The following IL1RAPL1 variants were observed in gnomAD, a reference collection of about 807,000 sequenced individuals.
IL1RAPL1 encodes interleukin 1 receptor accessory protein like 1.
In IL1RAPL1, 3 loss-of-function variants were observed where a neutral mutation model predicts 48.4. The observed-to-expected ratio is 0.06, with a 90% CI of 0.03 to 0.16. The LOEUF is 0.16. IL1RAPL1 is among the 10% of genes least tolerant of loss of function. IL1RAPL1 has a pLI of 1.00. For missense variants in IL1RAPL1, 349 were observed against 530.6 expected (o/e 0.66, Z 3.36); for synonymous variants, 185 against 187.7 (o/e 0.99, Z 0.12).
intron 6 of IL1RAPL1, among the ~76,000 whole-genome samples, chrX:29,754,494 C>A (rs917266779): frequency 5.4e-5 from 6 of 112,094 alleles, no homozygotes; most frequent in Non-Finnish European, 9.4e-5. Context: ...AATTCTTGCA[C>A]ATCTATAATC....
In IL1RAPL1 at chrX:29,313,286, T is replaced by TGC. The variant is rs35752614; in HGVS notation, c.362+30076_362+30077dup. ...GTGTGTGTGTGTGTGTGTGTGTGTG[T>TGC]GCGCGCGCACATGCATTCTCACGCT... On this transcript the variant is annotated intron_variant, in intron 3 of 10. Coordinates refer to ENST00000378993, the MANE Select transcript of IL1RAPL1 (RefSeq NM_014271.4). 3.2e-3 allele frequency among the ~76,000 whole-genome samples: 314 copies of TGC among 96,799 alleles called. 1 individual carries two copies. Among genetic ancestry groups the TGC allele is most frequent in the African/African-American group, 7.4e-3 (207 of 27,821 alleles). The allele number at this position is 96,799 out of a possible 115,157, so 84.1% of individuals were successfully genotyped here.
chrX:28,748,649 T>C (rs1434784100), intron 1 of IL1RAPL1, among the ~76,000 whole-genome samples: 2 of 112,123 alleles, frequency 1.8e-5, no homozygotes, highest in Non-Finnish European at 3.8e-5. Context: ...TAGTATTTTA[T>C]TTATATTTTT....
intron 2 of IL1RAPL1, among the ~76,000 whole-genome samples, chrX:28,992,502 GAAAAAAAAAAAAA>G (rs60650174): frequency 8.1e-5 from 4 of 49,604 alleles, no homozygotes; most frequent in African/African-American, 2.2e-4. Flanking sequence ...AAAAAAAAAA[GAAAAAAAAAAAAA>G]AAGAAGAAAA....
At chrX:28,774,578 G>A (rs920177949) in intron 1 of IL1RAPL1, among the ~76,000 whole-genome samples, 2 of 111,705 alleles carry the variant, frequency 1.8e-5, no homozygotes, top group Admixed American at 1.9e-4. Flanking sequence ...CAAAATGGCA[G>A]CTGGCTTCAT....
intron 6 of IL1RAPL1, among the ~76,000 whole-genome samples, chrX:29,776,746 G>A (rs762882872): frequency 4.5e-5 from 5 of 111,347 alleles, no homozygotes; most frequent in Non-Finnish European, 9.4e-5. Flanking sequence ...TCACAATATT[G>A]GTTGTTGAGA....
chrX:29,871,864 G>T (rs1482853180), intron 6 of IL1RAPL1, among the ~76,000 whole-genome samples: 2 of 110,337 alleles, frequency 1.8e-5, no homozygotes, highest in Admixed American at 9.7e-5. Flanking sequence ...GCTGGGATTA[G>T]AGGTGCCCAC....
At chrX:28,759,323 T>G (rs934932459) in intron 1 of IL1RAPL1, among the ~76,000 whole-genome samples, 2 of 111,147 alleles carry the variant, frequency 1.8e-5, no homozygotes, top group Non-Finnish European at 1.9e-5. Flanking sequence ...AGAGATTCAT[T>G]AGCACCTCAT....
At chrX:29,790,371 T>C (rs1929602514) in intron 6 of IL1RAPL1, among the ~76,000 whole-genome samples, 3 of 111,865 alleles carry the variant, frequency 2.7e-5, no homozygotes, top group Admixed American at 1.9e-4. Context: ...AACTATAAAA[T>C]ATGTGCTTAA....
chrX:29,144,311 T>C (rs1929302170), intron 2 of IL1RAPL1, among the ~76,000 whole-genome samples: 1 of 110,645 alleles, frequency 9.0e-6, no homozygotes, highest in African/African-American at 3.3e-5. Context: ...GGTAGGAAAA[T>C]AAAGATCTTG....
chrX:28,882,633 A>G (rs950341921), intron 2 of IL1RAPL1, among the ~76,000 whole-genome samples: 1 of 111,465 alleles, frequency 9.0e-6, no homozygotes, highest in Admixed American at 9.6e-5. Context: ...ACAAGAGTGA[A>G]ACTCCAGCTG....
At chrX:29,570,941 G>C (rs1266999599) in intron 5 of IL1RAPL1, among the ~76,000 whole-genome samples, 1 of 112,534 alleles carries the variant, frequency 8.9e-6, no homozygotes, top group Non-Finnish European at 1.9e-5. Context: ...AATTTGTCTA[G>C]CCAGGCGCGG....
chrX:29,597,223 G>A (rs1482860064), intron 5 of IL1RAPL1, among the ~76,000 whole-genome samples: 2 of 103,593 alleles, frequency 1.9e-5, no homozygotes, highest in Non-Finnish European at 3.9e-5. Context: ...GCGCGATATC[G>A]GCTCACTGCA....
At chrX:28,655,997 C>T (rs1334313961) in intron 1 of IL1RAPL1, among the ~76,000 whole-genome samples, 1 of 111,654 alleles carries the variant, frequency 9.0e-6, no homozygotes, top group African/African-American at 3.3e-5. Context: ...TATATTACAT[C>T]ATGTAAAAAA....
At chrX:29,614,852 A>G (rs750722848) in intron 5 of IL1RAPL1, among the ~76,000 whole-genome samples, 29 of 111,175 alleles carry the variant, frequency 2.6e-4, no homozygotes, top group Non-Finnish European at 4.5e-4. Flanking sequence ...TCTTTACAAT[A>G]GTGAGGCTGA....
chrX:29,389,771 G>T (rs940797431), intron 3 of IL1RAPL1, among the ~76,000 whole-genome samples: 1 of 112,376 alleles, frequency 8.9e-6, no homozygotes, highest in Non-Finnish European at 1.9e-5. Flanking sequence ...TCAACAAAAT[G>T]TTTAAAAAAG....
chrX:28,862,024 T>C (rs1354963088), intron 2 of IL1RAPL1, among the ~76,000 whole-genome samples: 2 of 111,482 alleles, frequency 1.8e-5, no homozygotes, highest in Non-Finnish European at 1.9e-5. Context: ...GAGAGACTGA[T>C]TTAATTTTTT....
rs150661193 is a variant in IL1RAPL1, at chrX:29,611,164, T to C, written c.704-57266T>C. On this transcript the variant is annotated intron_variant, in intron 5 of 10. Coordinates refer to ENST00000378993, the MANE Select transcript of IL1RAPL1 (RefSeq NM_014271.4). ...CCTTTCCCCCTTTGTTTTCCTTCCT[T>C]TCCTTCCTGATCCAGGAGATAATCA... is the stretch of plus-strand genomic sequence containing the variant. 6.8e-3 allele frequency among the ~76,000 whole-genome samples: 759 copies of C among 111,883 alleles called. 7 individuals carry two copies. Among genetic ancestry groups the C allele is most frequent in the African/African-American group, 0.022 (680 of 30,801 alleles).
chrX:29,503,508 G>T (rs1935296890), intron 5 of IL1RAPL1, among the ~76,000 whole-genome samples: 1 of 111,785 alleles, frequency 8.9e-6, no homozygotes, highest in Non-Finnish European at 1.9e-5. Context: ...TTTGCTAGTA[G>T]TACTGCTTTT....
intron 5 of IL1RAPL1, among the ~76,000 whole-genome samples, chrX:29,513,481 G>A (rs771732939): frequency 8.9e-6 from 1 of 111,972 alleles, no homozygotes; most frequent in East Asian, 2.8e-4. Flanking sequence ...TCTTGATGAA[G>A]TAAAAAGATT....
Sources: gnomAD v4.1 joint callset for allele counts (sites outside exome capture counted in the v4.1 genomes callset) on GRCh38, gnomAD v4.1.1 for gene constraint, MANE v1.5 for transcripts, NCBI Gene and HGNC (gene_info 2026-07-23, HGNC 2026-07-21) for gene names.